FIGNL1: variants seen among roughly 807,000 people sequenced by gnomAD.
FIGNL1 encodes the protein fidgetin-like protein 1.
FIGNL1 carries 11 observed loss-of-function variants against 28.9 expected under a neutral mutation model. That is an observed-to-expected ratio of 0.38 (90% CI 0.24 to 0.63). The LOEUF is 0.63. FIGNL1 is among the 20% of genes least tolerant of loss of function. The probability of loss-of-function intolerance (pLI) is 0.57; values close to 1 mark genes in which losing one functional copy is unlikely to be tolerated. For synonymous variants in FIGNL1, 295 were observed against 276.5 expected (o/e 1.07, Z -0.66); for missense variants, 789 against 810.4 (o/e 0.97, Z 0.32).
Position 50,445,271 on chromosome 7 carries a change from C to T in FIGNL1, c.2017G>A (p.Gly673Arg). 1.3e-6 allele frequency: 2 copies of T among 1,553,530 alleles called. No individual in the cohort carries two copies. The highest frequency in any genetic ancestry group is 1.7e-6 in the Non-Finnish European group (2 of 1,151,630). ...YENWNKTFGC[G>R]K is the part of the protein sequence containing the mutation. ...GATTCCAAGTATCCCACTTACTTTC[C>T]ACAACCAAAAGTTTTGTTCCAGTTT... The change falls in exon 4 of 4, where the codon GGA becomes AGA. Residue 673 changes from glycine to arginine, a missense_variant. Gly to Arg is a moderately radical substitution (Grantham distance 125). Transcript: ENST00000433017.
At chr7:50,450,047 C>T (rs1387623747) in intron 1 of FIGNL1, 2 of 152,404 alleles carry the variant, frequency 1.3e-5, no homozygotes. Context: ...GCCTGCCGTC[C>T]ACGCCGGGCC....
intron 2 of FIGNL1, chr7:50,448,627 T>A (rs1344916326): frequency 6.6e-6 from 1 of 152,172 alleles, no homozygotes; most frequent in African/African-American, 2.4e-5. Context: ...TTATGAAAAA[T>A]TTTTGTTTCC....
chr7:50,448,725 C>T (rs556570333), intron 2 of FIGNL1: 1 of 152,288 alleles, frequency 6.6e-6, no homozygotes, highest in African/African-American at 2.4e-5. Flanking sequence ...CTTGTAAGTA[C>T]AACAGCCAGG....
In FIGNL1 at chr7:50,445,903, A is replaced by C; in HGVS notation, c.1385T>G (p.Phe462Cys). The change falls in exon 4 of 4, where the codon TTC becomes TGC. Residue 462 changes from phenylalanine to cysteine, a missense_variant. Transcript: ENST00000433017. ...TAAGGATGAAGCAGAGATGCTAAAG[A>C]ATGTTGCCCCAGACTGACTAGCAAT... Reference protein sequence around the residue: ...KCIASQSGATFFSISASSLTS... With the variant: ...KCIASQSGATCFSISASSLTS... The C allele has an allele frequency of 1.2e-6, 2 of 1,614,096 alleles. No individual in the cohort carries two copies. Among genetic ancestry groups the C allele is most frequent in the African/African-American group, 1.3e-5 (1 of 75,058 alleles).
rs758887862 is a variant in FIGNL1, at chr7:50,446,722, TG to T, written c.565del (p.Gln189SerfsTer5). The T allele has an allele frequency of 1.9e-6, 3 of 1,614,114 alleles. No homozygotes were observed. The African/African-American group carries it at 4.0e-5, about 22-fold the overall frequency. Reference sequence around the variant, plus strand: ...AGCAGTGTTAGTCACCATAGGTGGCTGGGCATTCTGAAGGAGTTTCAAACGA... The same window carrying T: ...AGCAGTGTTAGTCACCATAGGTGGCTGGCATTCTGAAGGAGTTTCAAACGA... ...SNRLKLLQNA[Q>X]PPMVTNTART... On this transcript the variant is annotated frameshift_variant, in exon 4 of 4. Transcript: ENST00000433017. LOFTEE classifies it low-confidence loss of function (END_TRUNC).
In FIGNL1 at chr7:50,445,961, G is replaced by C. The variant is rs1322203615; in HGVS notation, c.1327C>G (p.Pro443Ala). The C allele has an allele frequency of 6.2e-7, 1 of 1,614,000 alleles. No individual in the cohort carries two copies. Among genetic ancestry groups the C allele is most frequent in the East Asian group, 2.2e-5 (1 of 44,902 alleles). The change falls in exon 4 of 4, where the codon CCT becomes GCT. Residue 443 changes from proline to alanine, a missense_variant. Transcript: ENST00000433017. ...CCAATTAGAGTTTTACCAGTCCCAG[G>C]AGGACCAAAGAGCAAAATTCCTTTA... ...PPKGILLFGP[P>A]GTGKTLIGKC...
rs1481411410 is a variant in FIGNL1 at position 50,449,509 on chromosome 7, A to G, written c.-511T>C. On this transcript the variant is annotated 5_prime_UTR_variant, in exon 2 of 4. Coordinates refer to ENST00000433017, the MANE Select transcript of FIGNL1 (RefSeq NM_001287492.4). ...CACATTGTCTTAGTACCTAGAATACAGTGTCCTTTGGAATAATAGCTACTA... is the reference window on the plus strand; with the variant it reads ...CACATTGTCTTAGTACCTAGAATACGGTGTCCTTTGGAATAATAGCTACTA... 1 of 152,264 alleles carries G rather than the reference A, an allele frequency of 6.6e-6. No individual in the cohort carries two copies. The highest frequency in any genetic ancestry group is 1.5e-5 in the Non-Finnish European group (1 of 68,050). The allele number at this position is 152,264 out of a possible 1,614,324, so 9.4% of individuals were successfully genotyped here.
chr7:50,448,094 G>C (rs1174617547), intron 3 of FIGNL1, 87 bp downstream of exon 3: 1 of 152,178 alleles, frequency 6.6e-6, no homozygotes, highest in East Asian at 1.9e-4. Context: ...ATCAAATCAA[G>C]CAATGACTAT....
rs922636591 is a variant in FIGNL1, at chr7:50,445,112, C to T, written c.*151G>A. On this transcript the variant is annotated 3_prime_UTR_variant, in exon 4 of 4. Coordinates refer to ENST00000433017, the MANE Select transcript of FIGNL1 (RefSeq NM_001287492.4). Reference sequence around the variant, plus strand: ...AAAGCAAAACTTACATTAACATACACTATGTCAATCAGATGTAAAATCTGT... The same window carrying T: ...AAAGCAAAACTTACATTAACATACATTATGTCAATCAGATGTAAAATCTGT... 6 of 494,622 alleles carry T rather than the reference C, an allele frequency of 1.2e-5. No individual in the cohort carries two copies. Among genetic ancestry groups the T allele is most frequent in the African/African-American group, 1.0e-4 (5 of 50,038 alleles). The allele number at this position is 494,622 out of a possible 1,614,324, so 30.6% of individuals were successfully genotyped here.
chr7:50,444,268 G>GCGC lies in FIGNL1; in HGVS notation c.*992_*994dup, dbSNP rs1184757930. 6.6e-6 allele frequency: 1 copy of GCGC among 152,178 alleles called. No individual in the cohort carries two copies. Among genetic ancestry groups the GCGC allele is most frequent in the Admixed American group, 6.5e-5 (1 of 15,288 alleles). 9.4% of individuals were successfully genotyped at this position (152,178 alleles called of 1,614,324 possible). On this transcript the variant is annotated 3_prime_UTR_variant, in exon 4 of 4. Transcript: ENST00000433017. ...AACAACCTAGCGTCCTGTCCTATAT[G>GCGC]CGCTCTACCAGATGACTCAATTATA... is the stretch of plus-strand genomic sequence containing the variant.
rs763472605 is a variant in FIGNL1, at chr7:50,446,209, G to A, written c.1079C>T (p.Pro360Leu). ...TGGTTCTGTAGGTCCTGCCCCATAA[G>A]GCTTACATTGCATTCCTCCATTCTG... ...GEQNGGMQCK[P>L]YGAGPTEPAH... The change falls in exon 4 of 4, where the codon CCT (proline) becomes CTT (leucine). Residue 360 changes from proline to leucine, a missense_variant. By Grantham distance (98) the Pro-to-Leu change is moderately conservative (BLOSUM62 -3). Transcript: ENST00000433017. 1 of 1,614,128 alleles carries A rather than the reference G, an allele frequency of 6.2e-7. No homozygotes were observed.
rs1373567560 is a variant in FIGNL1, at chr7:50,448,563, G to C, written c.-119-274C>G. 6 of 152,276 alleles carry C rather than the reference G, an allele frequency of 3.9e-5. No homozygotes were observed. In the East Asian group the frequency reaches 1.2e-3, roughly 29 times the overall value. The allele number at this position is 152,276 out of a possible 1,614,324, so 9.4% of individuals were successfully genotyped here. A position where few individuals can be genotyped will look rare whatever the true frequency, so the allele number is the denominator to read the frequency against. On this transcript the variant is annotated intron_variant, in intron 2 of 3. Coordinates refer to ENST00000433017, the MANE Select transcript of FIGNL1 (RefSeq NM_001287492.4). ...ATTGTTACCTTTAAACAGAACTATA[G>C]ATGTATCATATTGCTAGATATATAG...
chr7:50,446,076 T>A lies in FIGNL1; in HGVS notation c.1212A>T (p.Ala404=). 4 of 1,614,206 alleles carry A rather than the reference T, an allele frequency of 2.5e-6. No homozygotes were observed. The highest frequency in any genetic ancestry group is 3.4e-6 in the Non-Finnish European group (4 of 1,180,028). Residue 404 remains alanine, a synonymous_variant, in exon 4 of 4, where the codon GCA becomes GCT. Coordinates refer to ENST00000433017, the MANE Select transcript of FIGNL1 (RefSeq NM_001287492.4). ...TGGTGGCTTTAGCAAATTCTACTCC[T>A]GCAATATCTTCCCAATTTACTGGAG... ...HGPPVNWEDI[A]GVEFAKATIK... is the part of the protein sequence containing the mutation.
In FIGNL1 at chr7:50,445,670, G is replaced by C. The variant is rs374642968; in HGVS notation, c.1618C>G (p.Leu540Val). 1.2e-6 allele frequency: 2 copies of C among 1,613,910 alleles called. No individual in the cohort carries two copies. Among genetic ancestry groups the C allele is most frequent in the African/African-American group, 1.3e-5 (1 of 74,904 alleles). Reference sequence around the variant, plus strand: ...GGCCGATTTGTTGCTCCCACCACTAGGATACGATCTTCAGAAGATGTTGTT... The same window carrying C: ...GGCCGATTTGTTGCTCCCACCACTACGATACGATCTTCAGAAGATGTTGTT... ...GATTSSEDRI[L>V]VVGATNRPQE... Residue 540 changes from leucine to valine, a missense_variant, in exon 4 of 4, where the codon CTA becomes GTA. Coordinates refer to ENST00000433017, the MANE Select transcript of FIGNL1 (RefSeq NM_001287492.4).
Position 50,447,164 on chromosome 7 carries a change from G to T in FIGNL1, c.124C>A (p.Gln42Lys). The T allele has an allele frequency of 6.2e-7, 1 of 1,614,230 alleles. No homozygotes were observed. Among genetic ancestry groups the T allele is most frequent in the Non-Finnish European group, 8.5e-7 (1 of 1,180,048 alleles). The change falls in exon 4 of 4, where the codon CAG becomes AAG. Residue 42 changes from glutamine (Q) to lysine (K), a missense_variant. By Grantham distance (53) the Gln-to-Lys change is moderately conservative (BLOSUM62 1). Transcript: ENST00000433017. Reference protein sequence around the residue: ...DAYRAQILRIQYAWANSEISQ... With the variant: ...DAYRAQILRIKYAWANSEISQ... The stretch of plus-strand genomic sequence containing the variant: ...ATCTCAGAGTTTGCCCATGCATACT[G>T]AATGCGTAATATCTGTGCACGGTAT...
rs553064633 is a variant in FIGNL1, at chr7:50,447,222, T to C, written c.66A>G (p.Thr22=). ...SEWQKNYFAI[T]SGICTGPKAD... Reference sequence around the variant, plus strand: ...CCTTCGGTCCGGTACATATGCCAGATGTAATTGCGAAGTAATTCTTCTGCC... The same window carrying C: ...CCTTCGGTCCGGTACATATGCCAGACGTAATTGCGAAGTAATTCTTCTGCC... Residue 22 remains threonine (T), a synonymous_variant, in exon 4 of 4, where the codon ACA becomes ACG. Transcript: ENST00000433017. 3 of 1,611,860 alleles carry C rather than the reference T, an allele frequency of 1.9e-6. No homozygotes were observed. Among genetic ancestry groups the C allele is most frequent in the Non-Finnish European group, 2.5e-6 (3 of 1,178,100 alleles).
chr7:50,445,824 A>T lies in FIGNL1; in HGVS notation c.1464T>A (p.Val488=). 6.2e-7 allele frequency: 1 copy of T among 1,614,224 alleles called. No individual in the cohort carries two copies. The highest frequency in any genetic ancestry group is 2.2e-5 in the East Asian group (1 of 44,894). The change falls in exon 4 of 4, where the codon GTT becomes GTA. Residue 488 remains valine, a synonymous_variant. Transcript: ENST00000433017. ...TCACAGCTGGTTGCTGACACCTTGC[A>T]ACAGCAAACAATGCACGGACCATTT... ...GEKMVRALFA[V]ARCQQPAVIF...
At position 50,445,165 on chromosome 7, in the gene FIGNL1, A is replaced by C; in HGVS notation, c.*98T>G. On this transcript the variant is annotated 3_prime_UTR_variant, in exon 4 of 4. Transcript: ENST00000433017. ...TATTATTTGAAGTACAGAACTTAGAATATATTCTTAAAAATACAATTAACA... is the reference window on the plus strand; with the variant it reads ...TATTATTTGAAGTACAGAACTTAGACTATATTCTTAAAAATACAATTAACA... 1.5e-6 allele frequency: 1 copy of C among 674,700 alleles called. No homozygotes were observed. The highest frequency in any genetic ancestry group is 3.0e-5 in the East Asian group (1 of 33,888). 41.8% of individuals were successfully genotyped at this position (674,700 alleles called of 1,614,324 possible).
chr7:50,445,217 T>C lies in FIGNL1; in HGVS notation c.*46A>G. The C allele has an allele frequency of 8.2e-7, 1 of 1,223,856 alleles. No individual in the cohort carries two copies. The allele number at this position is 1,223,856 out of a possible 1,614,324, so 75.8% of individuals were successfully genotyped here. ...ATCCCCAACTTTCTATGCTAAAAAA[T>C]AAAGAAGACTGTACTACAGAGATGC... On this transcript the variant is annotated 3_prime_UTR_variant, in exon 4 of 4. Transcript: ENST00000433017.
Sources: gnomAD v4.1 joint callset for allele counts on GRCh38, gnomAD v4.1.1 for gene constraint, MANE v1.5 for transcripts, NCBI Gene and HGNC (gene_info 2026-07-23, HGNC 2026-07-21) for gene names.